Variants in GRIN2A observed in about 807,000 individuals in gnomAD.
The protein encoded by GRIN2A is glutamate ionotropic receptor NMDA type subunit 2A, also known as glutamate receptor ionotropic, NMDA 2A.
GRIN2A carries 22 observed loss-of-function variants against 113.4 expected under a neutral mutation model. The ratio of observed to expected loss-of-function variants is 0.19; its 90% confidence interval spans 0.14 to 0.28. GRIN2A has a LOEUF of 0.28. Among genes scored for constraint, GRIN2A ranks in the 10% least tolerant of loss-of-function variants. GRIN2A has a pLI of 1.00. For synonymous variants in GRIN2A, 827 were observed against 738.4 expected, an observed-to-expected ratio of 1.12 and a Z score of -1.94; for missense variants, 1,502 against 1,887.0, an observed-to-expected ratio of 0.80 and a Z score of 3.78.
chr16:9,939,446 C>T (rs576367417), intron 2 of GRIN2A, among the ~76,000 whole-genome samples: 1 of 152,116 alleles, frequency 6.6e-6, no homozygotes, highest in Non-Finnish European at 1.5e-5. Context: ...ATGCTCTCAC[C>T]CTAGAAAGTG....
At chr16:10,003,062 G>A (rs1055614875) in intron 2 of GRIN2A, among the ~76,000 whole-genome samples, 1 of 152,204 alleles carries the variant, frequency 6.6e-6, no homozygotes, top group Non-Finnish European at 1.5e-5. Context: ...ATGGACAGTA[G>A]AACTCAAACT....
At chr16:10,060,071 A>T (rs1207996078) in intron 2 of GRIN2A, among the ~76,000 whole-genome samples, 2 of 152,154 alleles carry the variant, frequency 1.3e-5, no homozygotes, top group African/African-American at 4.8e-5. Context: ...GGGACCCTGG[A>T]GGCTGCCCAT....
chr16:10,156,011 C>T (rs1102967), intron 2 of GRIN2A, among the ~76,000 whole-genome samples: 37,751 of 152,146 alleles, frequency 0.25, 4,885 homozygotes, highest in East Asian at 0.35. Context: ...AATAAATAAT[C>T]GCACAGAAAT....
Position 10,111,503 on chromosome 16 carries a change from T to A in GRIN2A, c.414+68495A>T, listed in dbSNP as rs2048613360. On this transcript the variant is annotated intron_variant, in intron 2 of 12. Coordinates refer to ENST00000330684, the MANE Select transcript of GRIN2A (RefSeq NM_001134407.3). ...AACAACTTCCTGATTCTCCCATGGT[T>A]CATAGATTTCATAGCTGATGAGGTA... 1.6e-5 allele frequency: 11 copies of A among 700,272 alleles called. No individual in the cohort carries two copies. In the Admixed American group the frequency reaches 2.1e-4, roughly 13 times the overall value. 43.4% of individuals were successfully genotyped at this position (700,272 alleles called of 1,614,324 possible). A position where few individuals can be genotyped will look rare whatever the true frequency, so the allele number is the denominator to read the frequency against.
chr16:10,145,799 A>G (rs2049427422), intron 2 of GRIN2A, among the ~76,000 whole-genome samples: 1 of 152,266 alleles, frequency 6.6e-6, no homozygotes, highest in East Asian at 1.9e-4. Flanking sequence ...TAGAAAGCAC[A>G]TCTACAGATG....
At chr16:10,086,692 C>T (rs962609362) in intron 2 of GRIN2A, among the ~76,000 whole-genome samples, 2 of 151,536 alleles carry the variant, frequency 1.3e-5, no homozygotes, top group East Asian at 3.9e-4. Context: ...TAACAGTACA[C>T]AGGACCATGT....
chr16:9,902,040 G>T (rs1337803314), intron 3 of GRIN2A, among the ~76,000 whole-genome samples: 4 of 152,082 alleles, frequency 2.6e-5, no homozygotes, highest in Non-Finnish European at 4.4e-5. Flanking sequence ...TTTACAGAGA[G>T]AAAACAGAGG....
chr16:9,797,474 C>T (rs1436510515), intron 11 of GRIN2A, among the ~76,000 whole-genome samples: 1 of 152,198 alleles, frequency 6.6e-6, no homozygotes, highest in Non-Finnish European at 1.5e-5. Context: ...CTTCTGGTGA[C>T]ACAGCTGGCC....
intron 2 of GRIN2A, among the ~76,000 whole-genome samples, chr16:10,105,818 A>G (rs2048488654): frequency 1.3e-5 from 2 of 152,154 alleles, no homozygotes; most frequent in African/African-American, 4.8e-5. Flanking sequence ...GAGGCAGGAG[A>G]ATGGCTTGAA....
chr16:9,860,504 TG>T (rs1283309850), intron 4 of GRIN2A, among the ~76,000 whole-genome samples: 2 of 149,902 alleles, frequency 1.3e-5, no homozygotes, highest in African/African-American at 4.9e-5. Flanking sequence ...TTGCCTGTTA[TG>T]GGGTTTTATC....
intron 3 of GRIN2A, among the ~76,000 whole-genome samples, chr16:9,922,103 C>G (rs1203356621): frequency 6.6e-6 from 1 of 152,134 alleles, no homozygotes; most frequent in African/African-American, 2.4e-5. Flanking sequence ...GCCGTCTAAT[C>G]TTTCTTAAGT....
chr16:9,902,074 G>A (rs1351550353), intron 3 of GRIN2A, among the ~76,000 whole-genome samples: 6 of 143,878 alleles, frequency 4.2e-5, no homozygotes, highest in Non-Finnish European at 8.8e-5. Flanking sequence ...GGTGTGAAAA[G>A]CTATACGGGT....
intron 2 of GRIN2A, among the ~76,000 whole-genome samples, chr16:10,178,654 A>G (rs2050198568): frequency 6.6e-6 from 1 of 152,378 alleles, no homozygotes; most frequent in African/African-American, 2.4e-5. Context: ...TGAATGTTTA[A>G]TAAGACACTG....
chr16:9,828,872 T>C (rs1460528985), intron 9 of GRIN2A, among the ~76,000 whole-genome samples: 2 of 152,186 alleles, frequency 1.3e-5, no homozygotes, highest in African/African-American at 4.8e-5. Context: ...AACTCTCTGC[T>C]CCTTTTGTGT....
chr16:9,856,624 C>CAA (rs1178111932), intron 4 of GRIN2A, among the ~76,000 whole-genome samples: 2,643 of 54,712 alleles, frequency 0.048, 67 homozygotes, highest in African/African-American at 0.098. Context: ...GACTCCATCT[C>CAA]AAAAAAAAAA....
At chr16:10,135,272 C>T (rs925603822) in intron 2 of GRIN2A, among the ~76,000 whole-genome samples, 2 of 152,200 alleles carry the variant, frequency 1.3e-5, no homozygotes, top group African/African-American at 2.4e-5. Context: ...ACATTTCCTT[C>T]GTAGGTAGCC....
intron 4 of GRIN2A, among the ~76,000 whole-genome samples, chr16:9,889,731 T>C (rs759619226): frequency 2.6e-5 from 4 of 152,204 alleles, no homozygotes; most frequent in Admixed American, 6.5e-5. Flanking sequence ...TAGAAGTGTG[T>C]TGCCATTTCC....
intron 2 of GRIN2A, among the ~76,000 whole-genome samples, chr16:10,004,859 C>A (rs2046378972): frequency 6.6e-6 from 1 of 152,146 alleles, no homozygotes; most frequent in African/African-American, 2.4e-5. Context: ...AACATACTCA[C>A]AAGGTCAAGG....
intron 2 of GRIN2A, among the ~76,000 whole-genome samples, chr16:10,174,091 G>A (rs932395769): frequency 1.3e-4 from 20 of 152,206 alleles, no homozygotes; most frequent in African/African-American, 4.8e-4. Context: ...ATAATCCATG[G>A]AGGATAGGTC....
Sources: allele counts gnomAD v4.1 joint callset (sites outside exome capture counted in the v4.1 genomes callset), GRCh38; gene constraint gnomAD v4.1.1; transcripts MANE v1.5; gene names NCBI Gene and HGNC (gene_info 2026-07-23, HGNC 2026-07-21).